INTS9: variants seen among roughly 807,000 people sequenced by gnomAD.
The protein encoded by INTS9 is integrator complex subunit 9.
INTS9 carries 55 observed loss-of-function variants against 79.7 expected under a neutral mutation model. That is an observed-to-expected ratio of 0.69 (90% CI 0.56 to 0.86). The LOEUF is 0.86. Ranked by LOEUF, INTS9 falls within the 40% of genes least tolerant of loss-of-function variation. The probability of loss-of-function intolerance (pLI) is 0.00; values close to 1 mark genes in which losing one functional copy is unlikely to be tolerated. For synonymous variants in INTS9, 319 were observed against 325.2 expected, an observed-to-expected ratio of 0.98 and a Z score of 0.20; for missense variants, 721 against 831.5, an observed-to-expected ratio of 0.87 and a Z score of 1.64.
intron 13 of INTS9, among the ~76,000 whole-genome samples, chr8:28,776,904 T>C (rs562722333): frequency 2.6e-5 from 4 of 152,224 alleles, no homozygotes; most frequent in Admixed American, 1.3e-4. Context: ...CTTTCACTGC[T>C]GCTTCTAACG....
Position 28,768,312 on chromosome 8 carries a change from C to T in INTS9, c.1811G>A (p.Ser604Asn). The T allele has an allele frequency of 6.2e-7, 1 of 1,613,522 alleles. No homozygotes were observed. Among genetic ancestry groups the T allele is most frequent in the Middle Eastern group, 1.7e-4 (1 of 6,060 alleles). The stretch of plus-strand genomic sequence containing the variant: ...GGCTGTGTCCTCCACCTTAATATCA[C>T]TGAAGCCATGCTGCTCCAGAAGAAA... The part of the protein sequence containing the change: ...FVQTLEKHGF[S>N]DIKVEDTAKG... Residue 604 changes from serine (S) to asparagine (N), a missense_variant, in exon 17 of 17, where the codon AGT becomes AAT. This residue lies in a region of INTS9 where 281 missense variants were observed against 300.8 expected (regional missense o/e 0.93). Transcript: ENST00000521022.
rs182313089 is a variant in INTS9, at chr8:28,771,901, C to T, written c.1564-821G>A. 1.9e-3 allele frequency among the ~76,000 whole-genome samples: 283 copies of T among 152,258 alleles called. 2 individuals are homozygous for T. The highest frequency in any genetic ancestry group is 6.6e-3 in the African/African-American group (276 of 41,558). The stretch of plus-strand genomic sequence containing the variant: ...TTTGAGATGGGGCCTCACTCTGCTG[C>T]CCAGGCTGGAGTGTGGTGGTGTGAT... On this transcript the variant is annotated intron_variant, in intron 14 of 16. Transcript: ENST00000521022.
chr8:28,853,078 G>A (rs1293296534), intron 2 of INTS9, among the ~76,000 whole-genome samples: 2 of 152,210 alleles, frequency 1.3e-5, no homozygotes, highest in African/African-American at 4.8e-5. Context: ...AAGTTCGACT[G>A]TGTAAACTTT....
intron 13 of INTS9, among the ~76,000 whole-genome samples, chr8:28,776,587 G>A (rs1291841047): frequency 6.6e-6 from 1 of 152,136 alleles, no homozygotes; most frequent in African/African-American, 2.4e-5. Context: ...TTCTACTTAA[G>A]AGCTTGGACC....
Position 28,768,310 on chromosome 8 carries a change from C to T in INTS9, c.1813G>A (p.Asp605Asn). ...TTGGCTGTGTCCTCCACCTTAATAT[C>T]ACTGAAGCCATGCTGCTCCAGAAGA... ...VQTLEKHGFS[D>N]IKVEDTAKGH... The change falls in exon 17 of 17, where the codon GAT becomes AAT. Residue 605 changes from aspartate to asparagine, a missense_variant. Coordinates refer to ENST00000521022, the MANE Select transcript of INTS9 (RefSeq NM_018250.4). 1 of 1,613,518 alleles carries T rather than the reference C, an allele frequency of 6.2e-7. No homozygotes were observed. The highest frequency in any genetic ancestry group is 8.5e-7 in the Non-Finnish European group (1 of 1,180,022).
chr8:28,779,517 C>T (rs1319018466), intron 12 of INTS9, among the ~76,000 whole-genome samples: 1 of 152,180 alleles, frequency 6.6e-6, no homozygotes, highest in African/African-American at 2.4e-5. Flanking sequence ...ACTTTCCTGA[C>T]CACAGCATAA....
At chr8:28,883,895 T>C (rs949639792) in intron 1 of INTS9, among the ~76,000 whole-genome samples, 7 of 152,296 alleles carry the variant, frequency 4.6e-5, no homozygotes, top group Middle Eastern at 3.4e-3. Context: ...GTATTTTCCA[T>C]GTGGAATGAC....
chr8:28,809,411 C>G (rs1187309894), intron 8 of INTS9, among the ~76,000 whole-genome samples: 1 of 152,146 alleles, frequency 6.6e-6, no homozygotes, highest in African/African-American at 2.4e-5. Context: ...TTTTTCAAAC[C>G]AAAACTTTTC....
intron 12 of INTS9, among the ~76,000 whole-genome samples, chr8:28,778,220 T>G (rs879935183): frequency 3.9e-5 from 6 of 152,100 alleles, no homozygotes; most frequent in African/African-American, 9.7e-5. Flanking sequence ...AAAGCTCTTT[T>G]TACAACGAAA....
At chr8:28,784,795 G>A (rs1803485480) in intron 11 of INTS9, among the ~76,000 whole-genome samples, 1 of 152,068 alleles carries the variant, frequency 6.6e-6, no homozygotes, top group Non-Finnish European at 1.5e-5. Flanking sequence ...TCAAAAGCAG[G>A]GAATGAACAG....
chr8:28,853,955 G>A (rs866062542), intron 2 of INTS9, among the ~76,000 whole-genome samples: 10 of 152,048 alleles, frequency 6.6e-5, no homozygotes, highest in South Asian at 4.1e-4. Context: ...TCCTGACCTC[G>A]TGATCTGCCC....
intron 8 of INTS9, chr8:28,798,601 G>A (rs1462762794): frequency 1.3e-5 from 2 of 151,970 alleles, no homozygotes; most frequent in Non-Finnish European, 2.9e-5. Context: ...TGGGTTCAAG[G>A]AATTCTCCTG....
At chr8:28,816,219 T>C (rs1181060059) in intron 6 of INTS9, among the ~76,000 whole-genome samples, 1 of 151,610 alleles carries the variant, frequency 6.6e-6, no homozygotes, top group East Asian at 1.9e-4. Flanking sequence ...TAGTTACATA[T>C]GTATACATGT....
intron 6 of INTS9, 147 bp from the exon 7 acceptor site, chr8:28,813,759 G>C: frequency 2.3e-6 from 2 of 879,304 alleles, no homozygotes; most frequent in Non-Finnish European, 3.4e-6. Context: ...CCATTTCTCT[G>C]TTTTTATTTT....
intron 5 of INTS9, among the ~76,000 whole-genome samples, chr8:28,835,613 C>G (rs1182603938): frequency 6.6e-6 from 1 of 152,188 alleles, no homozygotes; most frequent in Non-Finnish European, 1.5e-5. Context: ...ATTTAATTCA[C>G]CTTTAAAACA....
chr8:28,845,771 C>T (rs903381249), intron 4 of INTS9, among the ~76,000 whole-genome samples: 1 of 152,162 alleles, frequency 6.6e-6, no homozygotes, highest in Non-Finnish European at 1.5e-5. Context: ...TTCAGCTTTA[C>T]GCTTACTACT....
At chr8:28,870,217 G>A (rs1809004074) in intron 1 of INTS9, among the ~76,000 whole-genome samples, 3 of 151,704 alleles carry the variant, frequency 2.0e-5, no homozygotes, top group African/African-American at 7.3e-5. Context: ...CAAACTGATT[G>A]AAGTGGTTAC....
At chr8:28,806,117 C>A (rs968975297) in intron 8 of INTS9, among the ~76,000 whole-genome samples, 2 of 152,138 alleles carry the variant, frequency 1.3e-5, no homozygotes, top group Non-Finnish European at 2.9e-5. Flanking sequence ...GTAGTCCCAG[C>A]TACTTGGGAG....
At chr8:28,887,753 T>A (rs1810244264) in intron 1 of INTS9, among the ~76,000 whole-genome samples, 1 of 152,228 alleles carries the variant, frequency 6.6e-6, no homozygotes, top group Non-Finnish European at 1.5e-5. Context: ...AAATAAATTT[T>A]AGTATGTAAT....
Sources: allele counts gnomAD v4.1 joint callset (sites outside exome capture counted in the v4.1 genomes callset), GRCh38; gene constraint gnomAD v4.1.1; regional missense constraint gnomAD v4.1.1; transcripts MANE v1.5; gene names NCBI Gene and HGNC (gene_info 2026-07-23, HGNC 2026-07-21).